The following CCDC148 variants were observed in gnomAD, a reference collection of about 807,000 sequenced individuals.
CCDC148 encodes the protein coiled-coil domain containing 148.
CCDC148 carries 89 observed loss-of-function variants against 85.7 expected under a neutral mutation model. The observed-to-expected ratio is 1.04, with a 90% CI of 0.87 to 1.24. CCDC148 has a LOEUF of 1.24. Ranked by LOEUF, CCDC148 falls within the 50% of genes most tolerant of loss-of-function variation. CCDC148 has a pLI of 0.00. For synonymous variants in CCDC148, 230 were observed against 213.9 expected (o/e 1.08, Z -0.66); for missense variants, 692 against 671.7 (o/e 1.03, Z -0.33).
At chr2:158,451,602 A>G (rs1259550542) in intron 1 of CCDC148, among the ~76,000 whole-genome samples, 1 of 152,136 alleles carries the variant, frequency 6.6e-6, no homozygotes, top group Non-Finnish European at 1.5e-5. Context: ...AAAAACAATT[A>G]TATCACTAAT....
At chr2:158,224,197 T>C (rs987883107) in intron 10 of CCDC148, among the ~76,000 whole-genome samples, 3 of 152,106 alleles carry the variant, frequency 2.0e-5, no homozygotes, top group Non-Finnish European at 4.4e-5. Flanking sequence ...GCCGATCAAC[T>C]GGAAGAAAGG....
At chr2:158,240,895 C>G (rs1688324734) in intron 10 of CCDC148, among the ~76,000 whole-genome samples, 2 of 152,144 alleles carry the variant, frequency 1.3e-5, no homozygotes, top group African/African-American at 4.8e-5. Context: ...AGTCTATACT[C>G]TAAGGCCTGA....
intron 2 of CCDC148, among the ~76,000 whole-genome samples, chr2:158,347,357 A>G (rs969291547): frequency 4.6e-5 from 7 of 152,132 alleles, no homozygotes; most frequent in African/African-American, 1.7e-4. Flanking sequence ...TAAAGCTACT[A>G]TTTTTCACTA....
At chr2:158,247,013 A>G (rs943824065) in intron 10 of CCDC148, among the ~76,000 whole-genome samples, 2 of 152,182 alleles carry the variant, frequency 1.3e-5, no homozygotes, top group Non-Finnish European at 2.9e-5. Context: ...CAGTTTAATA[A>G]CCTTGATTAC....
intron 1 of CCDC148, among the ~76,000 whole-genome samples, chr2:158,371,351 GTAGTT>G (rs934989997): frequency 2.0e-5 from 3 of 151,900 alleles, no homozygotes; most frequent in Non-Finnish European, 2.9e-5. Context: ...TGGGAAATAA[GTAGTT>G]TAGTTTAAAC....
chr2:158,264,885 T>C (rs1689388727), intron 9 of CCDC148, among the ~76,000 whole-genome samples: 2 of 152,130 alleles, frequency 1.3e-5, no homozygotes, highest in Non-Finnish European at 2.9e-5. Context: ...AGATAAACAC[T>C]AGAATAACGT....
At chr2:158,257,952 C>T (rs114168157) in intron 9 of CCDC148, among the ~76,000 whole-genome samples, 149 of 151,904 alleles carry the variant, frequency 9.8e-4, no homozygotes, top group African/African-American at 3.5e-3. Context: ...AACAAAGAAA[C>T]TGGACTAAGG....
chr2:158,378,697 T>G (rs1007642766), intron 1 of CCDC148, among the ~76,000 whole-genome samples: 26 of 152,212 alleles, frequency 1.7e-4, no homozygotes, highest in African/African-American at 4.8e-4. Context: ...ATTCTGAAAA[T>G]CCTGGGGCTC....
chr2:158,277,968 G>GAC (rs1156609536), intron 9 of CCDC148, among the ~76,000 whole-genome samples: 3 of 152,106 alleles, frequency 2.0e-5, no homozygotes, highest in African/African-American at 7.2e-5. Flanking sequence ...GATAAGACAA[G>GAC]ACCAAGTCAA....
chr2:158,354,839 G>A (rs1471788999), intron 2 of CCDC148, among the ~76,000 whole-genome samples: 1 of 151,058 alleles, frequency 6.6e-6, no homozygotes, highest in Non-Finnish European at 1.5e-5. Flanking sequence ...ATAAAATACT[G>A]GCAAAACGAA....
chr2:158,197,562 C>T (rs185145698), intron 11 of CCDC148, among the ~76,000 whole-genome samples: 28 of 152,144 alleles, frequency 1.8e-4, no homozygotes, highest in Non-Finnish European at 3.8e-4. Flanking sequence ...TGTCTAAAAC[C>T]CCATTTCTGA....
At chr2:158,291,076 G>A (rs59810751) in intron 9 of CCDC148, among the ~76,000 whole-genome samples, 7,064 of 151,166 alleles carry the variant, frequency 0.047, 259 homozygotes, top group East Asian at 0.15. Flanking sequence ...AAAATCCATC[G>A]CTGCCCCTAA....
rs969243513 is a variant in CCDC148 at position 158,281,867 on chromosome 2, A to C, written c.1110+27566T>G. ...CAACATCCTTGATGAACATTGATGC[A>C]AAAATCCTCAATAAAATACTGGCAA... On this transcript the variant is annotated intron_variant, in intron 9 of 13. Coordinates refer to ENST00000283233, the MANE Select transcript of CCDC148 (RefSeq NM_138803.4). 8.5e-5 allele frequency among the ~76,000 whole-genome samples: 13 copies of C among 152,292 alleles called. 2 individuals carry two copies. Among genetic ancestry groups the C allele is most frequent in the Admixed American group, 6.5e-4 (10 of 15,302 alleles).
intron 1 of CCDC148, among the ~76,000 whole-genome samples, chr2:158,453,686 A>G (rs1306641680): frequency 6.6e-6 from 1 of 152,160 alleles, no homozygotes; most frequent in Non-Finnish European, 1.5e-5. Flanking sequence ...TAGGGAATTT[A>G]CCACTAATCT....
chr2:158,242,003 C>T (rs1242054140), intron 10 of CCDC148, among the ~76,000 whole-genome samples: 3 of 152,272 alleles, frequency 2.0e-5, no homozygotes, highest in East Asian at 3.9e-4. Flanking sequence ...GATGTACTTA[C>T]TAATGAGTCA....
At chr2:158,378,114 C>A (rs1177255348) in intron 1 of CCDC148, among the ~76,000 whole-genome samples, 1 of 151,996 alleles carries the variant, frequency 6.6e-6, no homozygotes, top group Non-Finnish European at 1.5e-5. Flanking sequence ...TGCCAGTTAG[C>A]CAAGCTGTGA....
chr2:158,328,493 T>G lies in CCDC148; in HGVS notation c.764+10233A>C, dbSNP rs1278323318. Among the ~76,000 whole-genome samples, 4 of 152,272 alleles carry G rather than the reference T, an allele frequency of 2.6e-5. No individual in the cohort carries two copies. In the East Asian group the frequency reaches 7.7e-4, roughly 29 times the overall value. ...AAACATACGTGTGCATGTGTCTTTATAGCAGCATGATTTATAATCCTTTGG... is the reference window on the plus strand; with the variant it reads ...AAACATACGTGTGCATGTGTCTTTAGAGCAGCATGATTTATAATCCTTTGG... On this transcript the variant is annotated intron_variant, in intron 7 of 13. Transcript: ENST00000283233.
intron 12 of CCDC148, 59 bp from the exon 13 acceptor site, chr2:158,176,720 A>G (rs933442452): frequency 2.2e-5 from 35 of 1,586,652 alleles, no homozygotes; most frequent in Non-Finnish European, 2.9e-5. Context: ...TTTCTGGGCA[A>G]CATTATTGAT....
At chr2:158,306,755 C>T (rs1691707787) in intron 9 of CCDC148, among the ~76,000 whole-genome samples, 2 of 151,164 alleles carry the variant, frequency 1.3e-5, no homozygotes, top group South Asian at 4.2e-4. Flanking sequence ...TGCAGCACAC[C>T]AACATGGCAC....
Sources: gnomAD v4.1 joint callset for allele counts (sites outside exome capture counted in the v4.1 genomes callset) on GRCh38, gnomAD v4.1.1 for gene constraint, MANE v1.5 for transcripts, NCBI Gene and HGNC (gene_info 2026-07-23, HGNC 2026-07-21) for gene names.